Variants in TDRD12 observed in about 807,000 individuals in gnomAD.
TDRD12 encodes the protein tudor domain containing 12.
Under a neutral mutation model 133.5 loss-of-function variants are expected in TDRD12, and 158 were observed. The ratio of observed to expected loss-of-function variants is 1.18; its 90% CI spans 1.04 to 1.35. The LOEUF is 1.35. Among genes scored for constraint, TDRD12 ranks in the 40% most tolerant of loss-of-function variants. The pLI, the probability that TDRD12 is intolerant of heterozygous loss-of-function variation, is 0.00. For synonymous variants in TDRD12, 460 were observed against 477.9 expected (o/e 0.96, Z 0.49); for missense variants, 1,443 against 1,321.3 (o/e 1.09, Z -1.43).
chr19:32,804,781 G>A (rs956700432), intron 21 of TDRD12, among the ~76,000 whole-genome samples: 3 of 151,808 alleles, frequency 2.0e-5, no homozygotes, highest in Admixed American at 6.6e-5. Flanking sequence ...AATTGAACCT[G>A]GGAAGCGGAG....
chr19:32,765,278 T>C (rs1157779748), intron 8 of TDRD12, among the ~76,000 whole-genome samples: 5 of 152,182 alleles, frequency 3.3e-5, no homozygotes, highest in Non-Finnish European at 4.4e-5. Flanking sequence ...GGAACACTTT[T>C]ACACTGTTGG....
At chr19:32,777,318 T>C in intron 11 of TDRD12, 89 bp downstream of exon 11, 1 of 852,414 alleles carries the variant, frequency 1.2e-6, no homozygotes, top group Non-Finnish European at 1.8e-6. Flanking sequence ...TTATTATTAA[T>C]TTCAAACCTG....
At chr19:32,798,768 A>G (rs113529523) in intron 16 of TDRD12, among the ~76,000 whole-genome samples, 1 of 152,234 alleles carries the variant, frequency 6.6e-6, no homozygotes, top group Non-Finnish European at 1.5e-5. Flanking sequence ...CCATAGTTTC[A>G]GAAGGGATCC....
rs1969303538 is a variant in TDRD12, at chr19:32,738,847, A to G, written c.184-9A>G. 1.9e-6 allele frequency: 3 copies of G among 1,547,156 alleles called. No homozygotes were observed. Among genetic ancestry groups the G allele is most frequent in the African/African-American group, 1.4e-5 (1 of 72,710 alleles). ...AATAAATAAAAATAACTCTCTGTTT[A>G]TTTTGCAGGTGTGTGTGGTCTATTG... is the stretch of plus-strand genomic sequence containing the variant. On this transcript the variant is annotated splice_polypyrimidine_tract_variant and intron_variant, in intron 2 of 27. Transcript: ENST00000444215.
At chr19:32,748,581 A>G in intron 5 of TDRD12, 50 bp downstream of exon 5, 1 of 1,517,842 alleles carries the variant, frequency 6.6e-7, no homozygotes, top group Non-Finnish European at 8.9e-7. Flanking sequence ...ACACCCACAG[A>G]GGCCTCAGCT....
chr19:32,793,437 A>G (rs976068545), intron 13 of TDRD12, among the ~76,000 whole-genome samples: 3 of 152,168 alleles, frequency 2.0e-5, no homozygotes, highest in Non-Finnish European at 2.9e-5. Flanking sequence ...GAAGGATGAT[A>G]CCAGGATAGT....
At chr19:32,803,953 A>G (rs1170161772) in intron 21 of TDRD12, among the ~76,000 whole-genome samples, 1 of 152,088 alleles carries the variant, frequency 6.6e-6, no homozygotes, top group Non-Finnish European at 1.5e-5. Context: ...TAGCTTATAT[A>G]TACTCAACAT....
chr19:32,749,675 T>G, intron 5 of TDRD12, 109 bp from the exon 6 acceptor site: 1 of 768,570 alleles, frequency 1.3e-6, no homozygotes, highest in African/African-American at 1.8e-5. Flanking sequence ...AGGAAGACAT[T>G]TGGGCACTCT....
chr19:32,722,011 C>T (rs899975909), intron 1 of TDRD12, among the ~76,000 whole-genome samples: 4 of 151,954 alleles, frequency 2.6e-5, no homozygotes, highest in Non-Finnish European at 4.4e-5. Flanking sequence ...CCACCACGCC[C>T]GGCCGGTGCG....
intron 11 of TDRD12, among the ~76,000 whole-genome samples, chr19:32,781,270 C>T (rs867414920): frequency 1.3e-5 from 2 of 152,144 alleles, no homozygotes; most frequent in South Asian, 4.1e-4. Flanking sequence ...AGATTCATCC[C>T]CAGAATTCTC....
chr19:32,808,992 G>A (rs1037542656), intron 22 of TDRD12, among the ~76,000 whole-genome samples: 1 of 151,398 alleles, frequency 6.6e-6, no homozygotes, highest in African/African-American at 2.4e-5. Context: ...ACTTCATATC[G>A]GATTTGACCT....
chr19:32,813,537 G>T (rs369391900), intron 24 of TDRD12, 147 bp from the exon 25 acceptor site: 2 of 572,188 alleles, frequency 3.5e-6, no homozygotes, highest in African/African-American at 1.9e-5. Context: ...CCTTGTGGAC[G>T]AGAGGGGGTG....
At chr19:32,773,393 A>G in intron 9 of TDRD12, 63 bp from the exon 10 acceptor site, 1 of 1,438,312 alleles carries the variant, frequency 7.0e-7, no homozygotes, top group South Asian at 1.2e-5. Context: ...TTTTGGTTCC[A>G]AAAGAATGTA....
intron 8 of TDRD12, among the ~76,000 whole-genome samples, chr19:32,761,908 A>G (rs1423157012): frequency 2.0e-5 from 3 of 151,640 alleles, no homozygotes; most frequent in Non-Finnish European, 4.4e-5. Flanking sequence ...CTGGTCTTGA[A>G]CTCATGAGCT....
intron 4 of TDRD12, among the ~76,000 whole-genome samples, chr19:32,746,908 G>T (rs34687315): frequency 1.4e-5 from 2 of 142,668 alleles, no homozygotes; most frequent in Non-Finnish European, 3.1e-5. Flanking sequence ...GAGAGAGAGA[G>T]GGAGAGACTG....
intron 8 of TDRD12, among the ~76,000 whole-genome samples, chr19:32,762,705 T>C (rs1970185588): frequency 6.6e-6 from 1 of 152,298 alleles, no homozygotes; most frequent in African/African-American, 2.4e-5. Flanking sequence ...TAGTTGGAGA[T>C]GAAAGAATGA....
intron 8 of TDRD12, among the ~76,000 whole-genome samples, chr19:32,764,041 G>A (rs1970224281): frequency 6.7e-6 from 1 of 148,436 alleles, no homozygotes; most frequent in South Asian, 2.2e-4. Context: ...AAATTTTAAA[G>A]TGTAAGATTG....
At chr19:32,788,834 C>T (rs1970985034) in intron 11 of TDRD12, among the ~76,000 whole-genome samples, 2 of 152,204 alleles carry the variant, frequency 1.3e-5, no homozygotes, top group Admixed American at 6.5e-5. Context: ...CTCTGAATTC[C>T]GTCCAGATGC....
intron 1 of TDRD12, among the ~76,000 whole-genome samples, chr19:32,731,071 C>A (rs1969035658): frequency 6.6e-6 from 1 of 152,124 alleles, no homozygotes; most frequent in African/African-American, 2.4e-5. Flanking sequence ...CAATGAAAAT[C>A]TTGGCTTCTA....
Sources: allele counts gnomAD v4.1 joint callset (sites outside exome capture counted in the v4.1 genomes callset), GRCh38; gene constraint gnomAD v4.1.1; transcripts MANE v1.5; gene names NCBI Gene and HGNC (gene_info 2026-07-23, HGNC 2026-07-21).